Variants in GARNL3 observed in about 807,000 individuals in gnomAD.
GARNL3 encodes the protein GTPase-activating Rap/Ran-GAP domain-like protein 3.
A neutral mutation model predicts 125.0 loss-of-function variants in GARNL3; 63 were observed. The ratio of observed to expected loss-of-function variants is 0.50; its 90% confidence interval spans 0.41 to 0.62. GARNL3 has a LOEUF of 0.62. GARNL3 is among the 20% of genes least tolerant of loss of function. GARNL3 has a pLI of 0.00. For synonymous variants in GARNL3, 439 were observed against 457.5 expected, an observed-to-expected ratio of 0.96 and a Z score of 0.52; for missense variants, 994 against 1,244.0, an observed-to-expected ratio of 0.80 and a Z score of 3.02.
chr9:127,324,291 G>C (rs2065496114), intron 6 of GARNL3, among the ~76,000 whole-genome samples: 2 of 152,114 alleles, frequency 1.3e-5, no homozygotes. Context: ...TAATAAAGAT[G>C]GCTGAGTTCT....
intron 13 of GARNL3, among the ~76,000 whole-genome samples, chr9:127,340,371 G>C (rs1829799036): frequency 6.6e-6 from 1 of 152,068 alleles, no homozygotes; most frequent in Admixed American, 6.5e-5. Context: ...GGCACCCCTG[G>C]GAATTATTTC....
rs548670704 is a variant in GARNL3, at chr9:127,325,167, T to C, written c.594+72T>C. The C allele has an allele frequency of 4.8e-5, 70 of 1,461,160 alleles. No homozygotes were observed. In the Admixed American group the frequency reaches 1.2e-3, roughly 24 times the overall value. 90.5% of individuals were successfully genotyped at this position (1,461,160 alleles called of 1,614,324 possible). On this transcript the variant is annotated intron_variant, in intron 7 of 27. Transcript: ENST00000373387. ...TGTAAATATATTTCTCCTTTCACTG[T>C]GAACCCAGCCTTTGCTTTCAGCCAA...
Position 127,390,631 on chromosome 9 carries a change from C to G in GARNL3, c.2744-10C>G. On this transcript the variant is annotated splice_polypyrimidine_tract_variant and intron_variant, in intron 26 of 27. Transcript: ENST00000373387. Reference sequence around the variant, plus strand: ...GGTAGTGACCCTCTGACCTATGATTCTCAATCCAGGCCTCTCGGATGAAGG... The same window carrying G: ...GGTAGTGACCCTCTGACCTATGATTGTCAATCCAGGCCTCTCGGATGAAGG... 1 of 1,613,536 alleles carries G rather than the reference C, an allele frequency of 6.2e-7. No individual in the cohort carries two copies. The highest frequency in any genetic ancestry group is 8.5e-7 in the Non-Finnish European group (1 of 1,179,670).
At chr9:127,371,106 C>T (rs1376828131) in intron 22 of GARNL3, among the ~76,000 whole-genome samples, 4 of 152,234 alleles carry the variant, frequency 2.6e-5, no homozygotes, top group Non-Finnish European at 5.9e-5. Flanking sequence ...ATGGACTTCT[C>T]CCTGCCTTTA....
chr9:127,330,468 A>G (rs1829160435), intron 7 of GARNL3, among the ~76,000 whole-genome samples: 1 of 152,232 alleles, frequency 6.6e-6, no homozygotes, highest in Non-Finnish European at 1.5e-5. Flanking sequence ...TTTATTATGC[A>G]TACAGTCACT....
At chr9:127,299,186 G>T (rs1004808510) in intron 2 of GARNL3, among the ~76,000 whole-genome samples, 1 of 151,806 alleles carries the variant, frequency 6.6e-6, no homozygotes, top group African/African-American at 2.4e-5. Flanking sequence ...GTGTGCTGGC[G>T]GGTGCCTGTA....
intron 21 of GARNL3, among the ~76,000 whole-genome samples, chr9:127,359,927 T>G (rs905925848): frequency 2.0e-5 from 3 of 152,210 alleles, no homozygotes; most frequent in Admixed American, 1.3e-4. Flanking sequence ...TTTGGATGGC[T>G]GTCAGGAACA....
intron 12 of GARNL3, among the ~76,000 whole-genome samples, chr9:127,338,645 G>A (rs908436739): frequency 1.3e-5 from 2 of 151,838 alleles, no homozygotes; most frequent in South Asian, 2.1e-4. Context: ...ACACTACCCC[G>A]GCAGGTGTAG....
In GARNL3 at chr9:127,243,249, TGTAA is replaced by T; in HGVS notation, c.143+9_143+12del. Reference sequence around the variant, plus strand: ...CCTGAACTAGAGTCCCAGGTCAACCTGTAAGTAAGTAAAAGAAGCATCATCTCAG... The same window carrying T: ...CCTGAACTAGAGTCCCAGGTCAACCTGTAAGTAAAAGAAGCATCATCTCAG... On this transcript the variant is annotated splice_donor_variant and splice_donor_region_variant and intron_variant, in intron 2 of 10. Coordinates refer to the GARNL3 transcript ENST00000439286. LOFTEE classifies it high-confidence loss of function. The T allele has an allele frequency of 4.4e-6, 6 of 1,366,530 alleles. No homozygotes were observed. In the South Asian group the frequency reaches 5.7e-5, roughly 13 times the overall value. 84.7% of individuals were successfully genotyped at this position (1,366,530 alleles called of 1,614,324 possible).
intron 1 of GARNL3, among the ~76,000 whole-genome samples, chr9:127,278,040 CTT>C (rs2064002758): frequency 6.6e-6 from 1 of 152,052 alleles, no homozygotes; most frequent in Non-Finnish European, 1.5e-5. Flanking sequence ...CTAATAAATT[CTT>C]TTTTCTTAAA....
At chr9:127,259,958 A>G (rs1588701208), upstream of GARNL3, among the ~76,000 whole-genome samples, 1 of 152,274 alleles carries the variant, frequency 6.6e-6, no homozygotes, top group East Asian at 1.9e-4. Flanking sequence ...GCTTAAACCC[A>G]GGAGTTCAAG....
chr9:127,306,587 C>T (rs1290935563), intron 2 of GARNL3, among the ~76,000 whole-genome samples: 1 of 152,004 alleles, frequency 6.6e-6, no homozygotes, highest in Non-Finnish European at 1.5e-5. Context: ...ATTAGCCGGG[C>T]GTGGTGGCAG....
At chr9:127,373,432 C>T (rs1213483443) in intron 22 of GARNL3, among the ~76,000 whole-genome samples, 1 of 152,150 alleles carries the variant, frequency 6.6e-6, no homozygotes, top group African/African-American at 2.4e-5. Context: ...TGATTTGGTC[C>T]TAGATGCTGT....
intron 11 of GARNL3, among the ~76,000 whole-genome samples, chr9:127,337,190 G>C (rs1025947246): frequency 1.3e-5 from 2 of 152,138 alleles, no homozygotes; most frequent in East Asian, 3.8e-4. Context: ...TGCTTTCTGA[G>C]TAATATCTGC....
intron 2 of GARNL3, chr9:127,300,441 T>C (rs2064747896): frequency 2.4e-6 from 1 of 417,768 alleles, no homozygotes; most frequent in Admixed American, 3.0e-5. Flanking sequence ...TTGACCCTCA[T>C]TAATTCCAGC....
At chr9:127,244,408 T>C (rs940939465) in intron 2 of GARNL3, among the ~76,000 whole-genome samples, 5 of 152,220 alleles carry the variant, frequency 3.3e-5, no homozygotes, top group Non-Finnish European at 7.3e-5. Context: ...TGAGGCTGTG[T>C]TGATAGGCAG....
At chr9:127,333,623 G>A (rs999685525) in intron 9 of GARNL3, among the ~76,000 whole-genome samples, 9 of 152,116 alleles carry the variant, frequency 5.9e-5, no homozygotes, top group African/African-American at 1.7e-4. Flanking sequence ...AGGGAGGGGC[G>A]AGTCGGAATA....
rs1480465954 is a variant in GARNL3, at chr9:127,389,047, G to A, written c.2671G>A (p.Val891Ile). Residue 891 changes from valine (V) to isoleucine (I), a missense_variant, in exon 26 of 28, where the codon GTC becomes ATC. Coordinates refer to ENST00000373387, the MANE Select transcript of GARNL3 (RefSeq NM_032293.5). The stretch of plus-strand genomic sequence containing the variant: ...CAGTGTGGGCCTTGCTGCCATTCCA[G>A]TCACGCACTCCTTGTCCCTGTCTCG... ...PISVGLAAIP[V>I]THSLSLSRME... The A allele has an allele frequency of 6.2e-7, 1 of 1,614,114 alleles. No homozygotes were observed. The highest frequency in any genetic ancestry group is 1.7e-5 in the Admixed American group (1 of 60,024).
intron 2 of GARNL3, among the ~76,000 whole-genome samples, chr9:127,253,186 C>T (rs1365899935): frequency 6.6e-6 from 1 of 152,098 alleles, no homozygotes; most frequent in Non-Finnish European, 1.5e-5. Flanking sequence ...ATGAACTGGT[C>T]TGTGTGTTTG....
Sources: gnomAD v4.1 joint callset for allele counts (sites outside exome capture counted in the v4.1 genomes callset) on GRCh38, gnomAD v4.1.1 for gene constraint, MANE v1.5 for transcripts, NCBI Gene and HGNC (gene_info 2026-07-23, HGNC 2026-07-21) for gene names.